KCNT1: variants seen among roughly 807,000 people sequenced by gnomAD.
KCNT1 encodes potassium channel subfamily T member 1.
A neutral mutation model predicts 147.8 loss-of-function variants in KCNT1; 78 were observed. The ratio of observed to expected loss-of-function variants is 0.53; its 90% CI spans 0.44 to 0.64. The LOEUF is 0.64. Among genes scored for constraint, KCNT1 ranks in the 30% least tolerant of loss-of-function variants. KCNT1 has a pLI of 0.00. For synonymous variants in KCNT1, 867 were observed against 748.8 expected, an observed-to-expected ratio of 1.16 and a Z score of -2.58; for missense variants, 1,419 against 1,750.3, an observed-to-expected ratio of 0.81 and a Z score of 3.38.
At chr9:135,746,040 T>A (rs1830817135) in intron 2 of KCNT1, among the ~76,000 whole-genome samples, 1 of 152,244 alleles carries the variant, frequency 6.6e-6, no homozygotes, top group Admixed American at 6.5e-5. Context: ...GCGTGACTCG[T>A]GAAGACAGAT....
intron 2 of KCNT1, among the ~76,000 whole-genome samples, chr9:135,746,581 G>A (rs555214490): frequency 1.3e-5 from 2 of 152,352 alleles, no homozygotes; most frequent in African/African-American, 4.8e-5. Flanking sequence ...CCAGGGGGAC[G>A]CATTGGCTTC....
chr9:135,716,837 G>GTA (rs761991602), intron 2 of KCNT1, among the ~76,000 whole-genome samples: 12 of 152,268 alleles, frequency 7.9e-5, no homozygotes, highest in Non-Finnish European at 1.2e-4. Context: ...TGGAAATGAA[G>GTA]TATACAGTGA....
At chr9:135,731,985 TATATATAGAGAGAGAGAGAGAGAG>T (rs1204507359) in intron 2 of KCNT1, among the ~76,000 whole-genome samples, 4 of 23,272 alleles carry the variant, frequency 1.7e-4, no homozygotes, top group Admixed American at 5.4e-4. Flanking sequence ...TATATATATA[TATATATAGAGAGAGAGAGAGAGAG>T]AGAGAGAGAG....
At position 135,714,729 on chromosome 9, in the gene KCNT1, C is replaced by A. The variant is rs1835649613; in HGVS notation, c.254+9C>A. Reference sequence around the variant, plus strand: ...TTCCAGAACGACGACAGGTAGGGACCGGGCGCGGGGTGGGGGCTGGGGTCG... The same window carrying A: ...TTCCAGAACGACGACAGGTAGGGACAGGGCGCGGGGTGGGGGCTGGGGTCG... On this transcript the variant is annotated intron_variant, in intron 2 of 30. Transcript: ENST00000371757. The surrounding 1 kb of genome is among the most constrained non-coding windows in gnomAD (Gnocchi z 6.2). The A allele has an allele frequency of 1.5e-6, 2 of 1,368,588 alleles. No homozygotes were observed. The highest frequency in any genetic ancestry group is 1.5e-5 in the South Asian group (1 of 68,932). The allele number at this position is 1,368,588 out of a possible 1,614,324, so 84.8% of individuals were successfully genotyped here.
At chr9:135,764,112 TCAGCCATG>T (rs1305068719) in intron 11 of KCNT1, among the ~76,000 whole-genome samples, 1 of 152,106 alleles carries the variant, frequency 6.6e-6, no homozygotes, top group Non-Finnish European at 1.5e-5. Context: ...CGATAGCACA[TCAGCCATG>T]CAGCCCACAG....
intron 12 of KCNT1, 114 bp downstream of exon 12, chr9:135,765,309 C>A: frequency 1.9e-6 from 2 of 1,039,602 alleles, no homozygotes; most frequent in South Asian, 1.5e-5. Context: ...TGGTTTACCC[C>A]TTCAGTGAGG....
chr9:135,757,958 C>G (rs1831604424), intron 9 of KCNT1, among the ~76,000 whole-genome samples: 1 of 152,252 alleles, frequency 6.6e-6, no homozygotes, highest in African/African-American at 2.4e-5. Context: ...AACCAGCCCT[C>G]TGACCTGAGA....
intron 1 of KCNT1, among the ~76,000 whole-genome samples, chr9:135,703,502 G>A (rs906133366): frequency 6.6e-6 from 1 of 152,232 alleles, no homozygotes; most frequent in African/African-American, 2.4e-5. Flanking sequence ...GGAGTCCGGG[G>A]TACAGCGTGT....
intron 29 of KCNT1, among the ~76,000 whole-genome samples, chr9:135,786,895 G>C (rs915318709): frequency 6.6e-6 from 1 of 152,242 alleles, no homozygotes; most frequent in Admixed American, 6.5e-5. Flanking sequence ...CCTTTGGCCA[G>C]GGGAGGCAGC....
chr9:135,725,143 C>T (rs759842846), intron 2 of KCNT1, among the ~76,000 whole-genome samples: 7 of 152,280 alleles, frequency 4.6e-5, no homozygotes, highest in Admixed American at 1.3e-4. Flanking sequence ...GACAGGAAAA[C>T]GGAGTCCTCA....
At chr9:135,721,694 G>A (rs778813822) in intron 2 of KCNT1, among the ~76,000 whole-genome samples, 2 of 152,272 alleles carry the variant, frequency 1.3e-5, no homozygotes, top group Non-Finnish European at 2.9e-5. Flanking sequence ...GTTCTGGCAG[G>A]TTCCATGTGC....
chr9:135,766,322 G>T (rs12553646), intron 13 of KCNT1, among the ~76,000 whole-genome samples: 34,187 of 150,886 alleles, frequency 0.23, 3,882 homozygotes, highest in Middle Eastern at 0.34. Flanking sequence ...TGGGCTGTCT[G>T]GGGTGGGCCA....
chr9:135,757,023 T>G, intron 7 of KCNT1, 91 bp downstream of exon 7: 6 of 917,242 alleles, frequency 6.5e-6, no homozygotes, highest in Non-Finnish European at 9.1e-6. Context: ...CTCTCCTATT[T>G]CCCCACACTT....
rs146904895 is a variant in KCNT1 at position 135,784,074 on chromosome 9, C to T, written c.2892C>T (p.Phe964=). The T allele has an allele frequency of 2.3e-4, 372 of 1,605,962 alleles. 2 individuals carry two copies. The African/African-American group carries it at 4.2e-3, about 18-fold the overall frequency. ...TGGCCTTCATGTTCCGCCTGCCGTT[C>T]GCCGCCGGCCGCGTCTTCAGCATCA... is the stretch of plus-strand genomic sequence containing the variant. ...SNLAFMFRLP[F]AAGRVFSISM... is the part of the protein sequence containing the mutation. The change falls in exon 25 of 31, where the codon TTC becomes TTT. Residue 964 remains phenylalanine, a synonymous_variant. Coordinates refer to ENST00000371757, the MANE Select transcript of KCNT1 (RefSeq NM_020822.3).
intron 15 of KCNT1, among the ~76,000 whole-genome samples, chr9:135,769,649 G>A (rs1832608312): frequency 6.6e-6 from 1 of 152,154 alleles, no homozygotes; most frequent in African/African-American, 2.4e-5. Flanking sequence ...CCAGGGGACA[G>A]GGGTCAGGGC....
In KCNT1 at chr9:135,795,473, G is replaced by T. The variant is rs1293913176; in HGVS notation, c.*3312G>T. ...AAAACAAACAAACAAAAAAGAAAAA[G>T]AAAATAAAACTGTTTGCTCAAAATC... On this transcript the variant is annotated 3_prime_UTR_variant, in exon 31 of 31. Coordinates refer to ENST00000371757, the MANE Select transcript of KCNT1 (RefSeq NM_020822.3). The T allele has an allele frequency of 6.6e-6, 1 of 152,096 alleles. No homozygotes were observed. The highest frequency in any genetic ancestry group is 2.4e-5 in the African/African-American group (1 of 41,422). 9.4% of individuals were successfully genotyped at this position (152,096 alleles called of 1,614,324 possible). A position where few individuals can be genotyped will look rare whatever the true frequency, so the allele number is the denominator to read the frequency against.
chr9:135,758,300 G>GA (rs1424935654), intron 9 of KCNT1, 114 bp from the exon 10 acceptor site: 2 of 777,566 alleles, frequency 2.6e-6, no homozygotes, highest in East Asian at 5.2e-5. Context: ...GGCCTCAGCC[G>GA]AGACGCAGGT....
intron 2 of KCNT1, among the ~76,000 whole-genome samples, chr9:135,747,875 T>C (rs574154833): frequency 8.5e-5 from 13 of 152,304 alleles, no homozygotes; most frequent in African/African-American, 3.1e-4. Flanking sequence ...CTCTTCAGCA[T>C]GGGGCAAGGG....
chr9:135,785,477 G>A (rs749254107), intron 28 of KCNT1, 147 bp downstream of exon 28: 87 of 1,010,032 alleles, frequency 8.6e-5, no homozygotes, highest in Non-Finnish European at 1.1e-4. Context: ...CGGATGTGTC[G>A]GCCCCAGCAC....
Sources: allele counts gnomAD v4.1 joint callset (sites outside exome capture counted in the v4.1 genomes callset), GRCh38; gene constraint gnomAD v4.1.1; non-coding constraint Gnocchi (gnomAD v3.1); transcripts MANE v1.5; gene names NCBI Gene and HGNC (gene_info 2026-07-23, HGNC 2026-07-21).